Variants in FIP1L1 observed in about 807,000 individuals in gnomAD.
FIP1L1 encodes the protein factor interacting with PAPOLA and CPSF1.
FIP1L1 carries 21 observed loss-of-function variants against 84.6 expected under a neutral mutation model. The observed-to-expected ratio is 0.25, with a 90% CI of 0.18 to 0.36. The LOEUF is 0.36. FIP1L1 is among the 10% of genes least tolerant of loss of function. The pLI is 1.00. For synonymous variants in FIP1L1, 263 were observed against 242.3 expected (o/e 1.09, Z -0.80); for missense variants, 526 against 751.1 (o/e 0.70, Z 3.50).
rs1419256835 is a variant in FIP1L1, at chr4:53,377,757, C to G, written c.-82C>G. 7.5e-7 allele frequency: 1 copy of G among 1,330,984 alleles called. No homozygotes were observed. Among genetic ancestry groups the G allele is most frequent in the African/African-American group, 1.5e-5 (1 of 66,264 alleles). 82.4% of individuals were successfully genotyped at this position (1,330,984 alleles called of 1,614,324 possible). On this transcript the variant is annotated 5_prime_UTR_variant, in exon 1 of 18. Coordinates refer to ENST00000337488, the MANE Select transcript of FIP1L1 (RefSeq NM_030917.4). ...CGTTCGTCGGCGGGTTCGCGCCCTT[C>G]TCGCGCCTCGGGGCTGCGAGGCTGG...
intron 10 of FIP1L1, among the ~76,000 whole-genome samples, chr4:53,407,650 C>G (rs1754429922): frequency 6.6e-6 from 1 of 151,904 alleles, no homozygotes; most frequent in Admixed American, 6.6e-5. Context: ...GTCTAAGTCT[C>G]TTTGTAGGTC....
chr4:53,409,491 C>A (rs192515227), intron 10 of FIP1L1, among the ~76,000 whole-genome samples: 109 of 152,310 alleles, frequency 7.2e-4, no homozygotes, highest in Middle Eastern at 6.8e-3. Context: ...CTCAGATCTC[C>A]AGCTGCGTGC....
chr4:53,380,123 A>G (rs1423694602), intron 3 of FIP1L1, among the ~76,000 whole-genome samples: 2 of 152,226 alleles, frequency 1.3e-5, no homozygotes, highest in African/African-American at 4.8e-5. Context: ...TGGAGTTACC[A>G]TGTGAGTCCT....
At chr4:53,428,949 G>A (rs1168262222) in intron 13 of FIP1L1, among the ~76,000 whole-genome samples, 1 of 152,288 alleles carries the variant, frequency 6.6e-6, no homozygotes, top group Non-Finnish European at 1.5e-5. Context: ...CATGAAAGAC[G>A]TATGTTAGGC....
rs1735304375 is a variant in FIP1L1, at chr4:53,377,721, C to G, written c.-118C>G. Reference sequence around the variant, plus strand: ...GCCTTCCTGGGATTGGAGTCTCGAGCTTTCTTCGTTCGTTCGTCGGCGGGT... The same window carrying G: ...GCCTTCCTGGGATTGGAGTCTCGAGGTTTCTTCGTTCGTTCGTCGGCGGGT... On this transcript the variant is annotated 5_prime_UTR_variant, in exon 1 of 18. Coordinates refer to ENST00000337488, the MANE Select transcript of FIP1L1 (RefSeq NM_030917.4). The G allele has an allele frequency of 3.2e-6, 3 of 937,528 alleles. No individual in the cohort carries two copies. The African/African-American group carries it at 5.1e-5, about 16-fold the overall frequency. The allele number at this position is 937,528 out of a possible 1,614,324, so 58.1% of individuals were successfully genotyped here.
At chr4:53,389,782 T>C in intron 5 of FIP1L1, 27 bp from the exon 6 acceptor site, 9 of 1,553,318 alleles carry the variant, frequency 5.8e-6, no homozygotes, top group Non-Finnish European at 7.9e-6. Context: ...GGATAATTTC[T>C]GTTTTTTTTT....
At position 53,412,740 on chromosome 4, in the gene FIP1L1, C is replaced by T. The variant is rs564502428; in HGVS notation, c.816-1875C>T. 2.2e-3 allele frequency among the ~76,000 whole-genome samples: 340 copies of T among 152,092 alleles called. 4 individuals carry two copies. The highest frequency in any genetic ancestry group is 8.0e-3 in the African/African-American group (333 of 41,516). ...TGTGATGGTGTCCTTTGGGTTTCTG[C>T]ACTGCAAAGTTGCTATTTTTTCCTT... On this transcript the variant is annotated intron_variant, in intron 10 of 17. Coordinates refer to ENST00000337488, the MANE Select transcript of FIP1L1 (RefSeq NM_030917.4).
At chr4:53,404,264 G>A (rs549630174) in intron 10 of FIP1L1, among the ~76,000 whole-genome samples, 1 of 146,154 alleles carries the variant, frequency 6.8e-6, no homozygotes, top group African/African-American at 2.5e-5. Context: ...TGCGGTGTTT[G>A]GTTTTTTGTT....
intron 11 of FIP1L1, among the ~76,000 whole-genome samples, chr4:53,416,736 A>T (rs1036979488): frequency 6.6e-6 from 1 of 152,140 alleles, no homozygotes; most frequent in African/African-American, 2.4e-5. Flanking sequence ...AGACCGAGGC[A>T]GGTGGATACT....
intron 11 of FIP1L1, among the ~76,000 whole-genome samples, chr4:53,420,945 A>G (rs1762165690): frequency 6.6e-6 from 1 of 152,196 alleles, no homozygotes; most frequent in South Asian, 2.1e-4. Context: ...TCTCTTGAAC[A>G]TGCCCTTAGA....
At position 53,459,359 on chromosome 4, in the gene FIP1L1, C is replaced by T; in HGVS notation, c.1695C>T (p.His565=). The T allele has an allele frequency of 6.3e-7, 1 of 1,585,180 alleles. No homozygotes were observed. The highest frequency in any genetic ancestry group is 2.3e-5 in the East Asian group (1 of 43,570). ...EEGDSHRRHK[H]KKSKRSKEGK... ...GAGATAGTCACAGGAGACACAAACA[C>T]AAAAAATCTAAAAGAAGCAAAGAAG... The change falls in exon 18 of 18, where the codon CAC becomes CAT. Residue 565 remains histidine, a synonymous_variant. Transcript: ENST00000337488.
intron 10 of FIP1L1, among the ~76,000 whole-genome samples, chr4:53,411,369 A>G (rs1303568486): frequency 6.6e-6 from 1 of 152,206 alleles, no homozygotes; most frequent in African/African-American, 2.4e-5. Context: ...CAATACTGTC[A>G]CTTTCGTACG....
intron 15 of FIP1L1, among the ~76,000 whole-genome samples, chr4:53,448,507 A>G (rs546065276): frequency 1.3e-5 from 2 of 152,146 alleles, no homozygotes; most frequent in Non-Finnish European, 2.9e-5. Flanking sequence ...AGTACTTACT[A>G]CATAATGCTC....
chr4:53,381,750 A>ATTTTTTTTTTTT (rs1233462083), intron 3 of FIP1L1, among the ~76,000 whole-genome samples: 30 of 63,032 alleles, frequency 4.8e-4, no homozygotes, highest in African/African-American at 1.9e-3. Context: ...AGGCATTTGC[A>ATTTTTTTTTTTT]TTCTTTTTTT....
At chr4:53,426,342 T>G (rs1465296278) in intron 12 of FIP1L1, among the ~76,000 whole-genome samples, 4 of 152,122 alleles carry the variant, frequency 2.6e-5, no homozygotes. Context: ...AATAAGTTAT[T>G]TAATTTGTTA....
intron 15 of FIP1L1, among the ~76,000 whole-genome samples, chr4:53,450,218 A>G (rs1775825946): frequency 6.6e-6 from 1 of 152,120 alleles, no homozygotes; most frequent in African/African-American, 2.4e-5. Context: ...GTATCCCTAA[A>G]CTTTCGATAA....
chr4:53,410,416 A>G (rs1756590724), intron 10 of FIP1L1, among the ~76,000 whole-genome samples: 1 of 152,250 alleles, frequency 6.6e-6, no homozygotes, highest in Middle Eastern at 3.4e-3. Flanking sequence ...ACTTCCAATG[A>G]CCAGCCAAGG....
chr4:53,415,110 T>C (rs1758905308), intron 11 of FIP1L1, among the ~76,000 whole-genome samples: 1 of 152,180 alleles, frequency 6.6e-6, no homozygotes, highest in Admixed American at 6.5e-5. Flanking sequence ...CCGTAAAATT[T>C]GACTCTACTG....
chr4:53,384,572 T>G (rs963260067), intron 5 of FIP1L1, among the ~76,000 whole-genome samples: 2 of 152,230 alleles, frequency 1.3e-5, no homozygotes, highest in Non-Finnish European at 2.9e-5. Flanking sequence ...AAGTATTTCT[T>G]TTTGTTCTTA....
Sources: allele counts gnomAD v4.1 joint callset (sites outside exome capture counted in the v4.1 genomes callset), GRCh38; gene constraint gnomAD v4.1.1; transcripts MANE v1.5; gene names NCBI Gene and HGNC (gene_info 2026-07-23, HGNC 2026-07-21).